FLNB: variants seen among roughly 807,000 people sequenced by gnomAD.
FLNB encodes filamin-B.
Under a neutral mutation model 250.6 loss-of-function variants are expected in FLNB, and 111 were observed. The observed-to-expected ratio is 0.44, with a 90% CI of 0.38 to 0.52. The LOEUF (loss-of-function observed/expected upper bound fraction) is 0.52. FLNB is among the 20% of genes least tolerant of loss of function. FLNB has a pLI of 0.00. For missense variants in FLNB, 2,869 were observed against 3,447.8 expected (o/e 0.83, Z 4.20); for synonymous variants, 1,302 against 1,372.1 (o/e 0.95, Z 1.13).
chr3:58,159,233 CT>C (rs1338113869), intron 41 of FLNB, among the ~76,000 whole-genome samples: 1 of 152,156 alleles, frequency 6.6e-6, no homozygotes, highest in Non-Finnish European at 1.5e-5. Flanking sequence ...CTGGAACATA[CT>C]GGGTTTTCTG....
chr3:58,124,613 AG>A, intron 22 of FLNB, 108 bp downstream of exon 22: 1 of 1,182,212 alleles, frequency 8.5e-7, no homozygotes, highest in Non-Finnish European at 1.2e-6. Flanking sequence ...CTGTCTCAGC[AG>A]GGCCACGTGC....
At chr3:58,050,244 G>A (rs900508876) in intron 1 of FLNB, among the ~76,000 whole-genome samples, 3 of 151,984 alleles carry the variant, frequency 2.0e-5, no homozygotes, top group African/African-American at 7.3e-5. Context: ...TGGCCAGGAC[G>A]GTCTTGAGCT....
chr3:58,077,230 C>G lies in FLNB; in HGVS notation c.477C>G (p.Thr159=), dbSNP rs1025837190. 6.2e-6 allele frequency: 10 copies of G among 1,614,064 alleles called. No homozygotes were observed. Among genetic ancestry groups the G allele is most frequent in the African/African-American group, 1.3e-5 (1 of 74,920 alleles). Residue 159 remains threonine (T), a synonymous_variant, in exon 2 of 46, where the codon ACC becomes ACG. Coordinates refer to ENST00000295956, the MANE Select transcript of FLNB (RefSeq NM_001457.4). ...ACAAGATCCCCTACTTGCCCATCAC[C>G]AACTTTAACCAGAACTGGCAAGACG... ...IQNKIPYLPI[T]NFNQNWQDGK...
chr3:58,055,458 T>C (rs1423803725), intron 1 of FLNB, among the ~76,000 whole-genome samples: 1 of 152,032 alleles, frequency 6.6e-6, no homozygotes, highest in African/African-American at 2.4e-5. Context: ...CTTCCAAGAG[T>C]CTGCGTGAGA....
chr3:58,089,404 G>GAA (rs1559684607), intron 4 of FLNB, among the ~76,000 whole-genome samples: 1 of 151,912 alleles, frequency 6.6e-6, no homozygotes, highest in East Asian at 1.9e-4. Flanking sequence ...AAATTAGCCA[G>GAA]GTGAGGTGGT....
intron 43 of FLNB, chr3:58,165,559 A>G (rs892904440): frequency 6.6e-6 from 1 of 152,216 alleles, no homozygotes; most frequent in Non-Finnish European, 1.5e-5. Flanking sequence ...GAACAAAGCA[A>G]ACCTCCCTCT....
At chr3:58,158,230 A>G (rs908809010) in intron 41 of FLNB, among the ~76,000 whole-genome samples, 1 of 152,240 alleles carries the variant, frequency 6.6e-6, no homozygotes, top group African/African-American at 2.4e-5. Flanking sequence ...GCAGTGATCA[A>G]AATGCTTCAA....
In FLNB at chr3:58,106,800, A is replaced by T. The variant is rs145314043; in HGVS notation, c.1868A>T (p.Asp623Val). The T allele has an allele frequency of 1.6e-4, 257 of 1,613,984 alleles. 1 individual carries two copies. The highest frequency in any genetic ancestry group is 2.7e-5 in the Non-Finnish European group (32 of 1,180,016). The change falls in exon 12 of 46, where the codon GAC (aspartate) becomes GTC (valine). Residue 623 changes from aspartate to valine, a missense_variant. Coordinates refer to ENST00000295956, the MANE Select transcript of FLNB (RefSeq NM_001457.4). ...GAATATGCTGTTCACATCATGTGTG[A>T]CGACGAAGACATCAAGGACAGCCCG... is the stretch of plus-strand genomic sequence containing the variant. The part of the protein sequence containing the change: ...PGEYAVHIMC[D>V]DEDIKDSPYM...
At chr3:58,016,531 C>T (rs1174891289) in intron 1 of FLNB, among the ~76,000 whole-genome samples, 2 of 150,728 alleles carry the variant, frequency 1.3e-5, no homozygotes, top group African/African-American at 4.9e-5. Context: ...ACTCTACTGT[C>T]AATTTGTATA....
At position 58,010,475 on chromosome 3, in the gene FLNB, T is replaced by C. The variant is rs1371015245; in HGVS notation, c.292+1619T>C. 2.0e-5 allele frequency among the ~76,000 whole-genome samples: 3 copies of C among 151,878 alleles called. No individual in the cohort carries two copies. In the East Asian group the frequency reaches 5.8e-4, roughly 30 times the overall value. On this transcript the variant is annotated intron_variant, in intron 1 of 45. Transcript: ENST00000295956. Reference sequence around the variant, plus strand: ...GCCCTCCCCCTCCCCAAGGGTGGCTTCCCTGCAGAAGAATCTGCATGGCAC... The same window carrying C: ...GCCCTCCCCCTCCCCAAGGGTGGCTCCCCTGCAGAAGAATCTGCATGGCAC...
chr3:58,090,105 C>CT (rs1353851662), intron 4 of FLNB, among the ~76,000 whole-genome samples: 1 of 151,654 alleles, frequency 6.6e-6, no homozygotes, highest in Non-Finnish European at 1.5e-5. Flanking sequence ...CCTCTGTAAG[C>CT]TTTTTTCTGT....
At chr3:58,018,962 C>CAAAAA (rs34503609) in intron 1 of FLNB, among the ~76,000 whole-genome samples, 9 of 71,344 alleles carry the variant, frequency 1.3e-4, no homozygotes, top group African/African-American at 2.0e-4. Context: ...CACATCTCTA[C>CAAAAA]AAAAAAAAAA....
chr3:58,086,220 C>T (rs1271667269), intron 4 of FLNB, among the ~76,000 whole-genome samples: 1 of 150,654 alleles, frequency 6.6e-6, no homozygotes, highest in Non-Finnish European at 1.5e-5. Flanking sequence ...AGGCTGGTCT[C>T]AAAATCCTGA....
At chr3:58,126,106 G>T (rs2097297372) in intron 23 of FLNB, among the ~76,000 whole-genome samples, 1 of 152,222 alleles carries the variant, frequency 6.6e-6, no homozygotes, top group South Asian at 2.1e-4. Flanking sequence ...GCTGGGTGTG[G>T]CGGCTCACAC....
At chr3:58,159,415 C>T in intron 41 of FLNB, 139 bp from the exon 42 acceptor site, 3 of 827,566 alleles carry the variant, frequency 3.6e-6, no homozygotes, top group Non-Finnish European at 6.2e-6. Flanking sequence ...GAATGGCTCA[C>T]CTGCCCTTTG....
At chr3:58,117,903 C>A (rs2097281574) in intron 18 of FLNB, among the ~76,000 whole-genome samples, 1 of 151,884 alleles carries the variant, frequency 6.6e-6, no homozygotes, top group South Asian at 2.1e-4. Flanking sequence ...CAACAGCTTT[C>A]AGCAGGGCCT....
At chr3:58,059,220 C>T (rs1186245879) in intron 1 of FLNB, among the ~76,000 whole-genome samples, 1 of 152,158 alleles carries the variant, frequency 6.6e-6, no homozygotes, top group East Asian at 1.9e-4. Flanking sequence ...TCATGTTACA[C>T]ATTTAAAAAT....
Position 58,141,897 on chromosome 3 carries a change from G to A in FLNB, c.5149G>A (p.Val1717Ile). Reference sequence around the variant, plus strand: ...AGTCACAGCCGTGGAGGAGGCACCGGTAAATGCATGTCCCCCTGGATTCAG... The same window carrying A: ...AGTCACAGCCGTGGAGGAGGCACCGATAAATGCATGTCCCCCTGGATTCAG... ...GEVTAVEEAP[V>I]NACPPGFRPW... The change falls in exon 30 of 46, where the codon GTA (valine) becomes ATA (isoleucine). Residue 1717 changes from valine to isoleucine, a missense_variant. Transcript: ENST00000295956. 1 of 1,614,144 alleles carries A rather than the reference G, an allele frequency of 6.2e-7. No individual in the cohort carries two copies. Among genetic ancestry groups the A allele is most frequent in the Non-Finnish European group, 8.5e-7 (1 of 1,180,018 alleles).
At chr3:58,091,282 C>A (rs2097226819) in intron 4 of FLNB, among the ~76,000 whole-genome samples, 1 of 152,114 alleles carries the variant, frequency 6.6e-6, no homozygotes, top group African/African-American at 2.4e-5. Context: ...AATCAGCCTT[C>A]CTGATTTCAA....
Sources: allele counts gnomAD v4.1 joint callset (sites outside exome capture counted in the v4.1 genomes callset), GRCh38; gene constraint gnomAD v4.1.1; transcripts MANE v1.5; gene names NCBI Gene and HGNC (gene_info 2026-07-23, HGNC 2026-07-21).